Variants in APOL3 observed in about 807,000 individuals in gnomAD.
APOL3 encodes TNF-inducible protein CG12-1.
APOL3 carries 14 observed loss-of-function variants against 11.6 expected under a neutral mutation model. That is an observed-to-expected ratio of 1.21 (90% CI 0.80 to 1.89). The LOEUF is 1.89. APOL3 is among the 40% of genes most tolerant of loss of function. APOL3 has a pLI of 0.00. For synonymous variants in APOL3, 192 were observed against 190.6 expected (o/e 1.01, Z -0.06); for missense variants, 483 against 492.1 (o/e 0.98, Z 0.17).
intron 1 of APOL3, among the ~76,000 whole-genome samples, chr22:36,148,298 C>T (rs1466469348): frequency 6.6e-6 from 1 of 152,154 alleles, no homozygotes; most frequent in Non-Finnish European, 1.5e-5. Flanking sequence ...GCAGGGCAGG[C>T]GCCCTGGGGG....
intron 1 of APOL3, among the ~76,000 whole-genome samples, chr22:36,145,940 C>G (rs1019213978): frequency 2.0e-5 from 3 of 151,924 alleles, no homozygotes; most frequent in African/African-American, 4.8e-5. Flanking sequence ...CCCGCCCTCG[C>G]TGTCTCTCTT....
rs752686550 is a variant in APOL3, at chr22:36,145,607, G to C, written c.224-8C>G. The C allele has an allele frequency of 6.2e-7, 1 of 1,611,732 alleles. No individual in the cohort carries two copies. The highest frequency in any genetic ancestry group is 1.7e-5 in the Admixed American group (1 of 59,344). ...CAGTAAAGCGTTTCTTTTCTACTTG[G>C]AAACAAAAAGCATAAGATTGGAAGA... On this transcript the variant is annotated splice_polypyrimidine_tract_variant and splice_region_variant and intron_variant, in intron 1 of 2. Transcript: ENST00000349314.
chr22:36,149,451 G>T, intron 1 of APOL3: 3 of 1,215,628 alleles, frequency 2.5e-6, no homozygotes, highest in Non-Finnish European at 3.3e-6. Flanking sequence ...TCTATACACC[G>T]AAATAGAGAT....
chr22:36,162,585 C>T (rs2013758463), upstream of APOL3, among the ~76,000 whole-genome samples: 1 of 152,208 alleles, frequency 6.6e-6, no homozygotes, highest in Non-Finnish European at 1.5e-5. Context: ...GCACCTTAAA[C>T]TCTATATAGA....
intron 2 of APOL3, 55 bp from the exon 4 acceptor site, chr22:36,142,113 CA>C: frequency 6.5e-7 from 1 of 1,527,262 alleles, no homozygotes. Flanking sequence ...TCTGTAAAAT[CA>C]GCTCAATAAG....
At chr22:36,142,113 C>A (rs2060019769) in intron 2 of APOL3, 55 bp from the exon 4 acceptor site, 2 of 1,527,260 alleles carry the variant, frequency 1.3e-6, no homozygotes, top group Admixed American at 4.2e-5. Flanking sequence ...TCTGTAAAAT[C>A]AGCTCAATAA....
intron 1 of APOL3, among the ~76,000 whole-genome samples, chr22:36,146,646 G>A (rs947003583): frequency 2.0e-5 from 3 of 151,858 alleles, no homozygotes; most frequent in African/African-American, 7.3e-5. Flanking sequence ...TTCAATCTGT[G>A]TCAATATGAC....
intron 1 of APOL3, chr22:36,159,584 A>G (rs1265154241): frequency 6.6e-6 from 1 of 152,258 alleles, no homozygotes; most frequent in African/African-American, 2.4e-5. Flanking sequence ...CATGTGGCAG[A>G]CACCATTCTG....
upstream of APOL3, chr22:36,161,061 C>T (rs1276546934): frequency 6.4e-6 from 4 of 628,006 alleles, no homozygotes; most frequent in Non-Finnish European, 1.1e-5. Context: ...AGATTACTCC[C>T]CACCCCCAAT....
chr22:36,157,038 T>A (rs1473047255), intron 1 of APOL3: 1 of 456,066 alleles, frequency 2.2e-6, no homozygotes, highest in African/African-American at 2.0e-5. Flanking sequence ...AGACCATGAC[T>A]CTGATTTCAT....
chr22:36,151,938 G>C (rs946883660), intron 1 of APOL3, among the ~76,000 whole-genome samples: 2 of 152,120 alleles, frequency 1.3e-5, no homozygotes, highest in Non-Finnish European at 2.9e-5. Context: ...TAACAGAAAA[G>C]AAAGTTACTT....
chr22:36,147,557 G>C (rs6000154), intron 1 of APOL3, among the ~76,000 whole-genome samples: 10,866 of 152,238 alleles, frequency 0.071, 1,290 homozygotes, highest in African/African-American at 0.25. Context: ...GGACTCAGCA[G>C]AGCCCAGTTT....
intron 1 of APOL3, among the ~76,000 whole-genome samples, chr22:36,157,848 G>A (rs1351758200): frequency 2.6e-5 from 4 of 152,114 alleles, no homozygotes; most frequent in South Asian, 2.1e-4. Flanking sequence ...TCAGGAGTTC[G>A]AGACCAGCCT....
rs147279686 is a variant in APOL3 at position 36,160,732 on chromosome 22, C to T, written c.160G>A (p.Val54Met). 4.3e-6 allele frequency: 7 copies of T among 1,613,886 alleles called. No individual in the cohort carries two copies. Among genetic ancestry groups the T allele is most frequent in the Non-Finnish European group, 5.9e-6 (7 of 1,179,940 alleles). The change falls in exon 1 of 3, where the codon GTG (valine) becomes ATG (methionine). Residue 54 changes from valine to methionine, a missense_variant. Val to Met is a conservative substitution (Grantham distance 21). In the 5' UTR this introduces an upstream ATG that the reference lacks. Coordinates refer to ENST00000349314, the Ensembl canonical transcript of APOL3. The stretch of plus-strand genomic sequence containing the variant: ...GCTGTTCTGAGCTGTGTGGATCCCA[C>T]CTCCAGCCGTGCATCTGCATAATAA...
At position 36,150,744 on chromosome 22, in the gene APOL3, G is replaced by A. The variant is rs552727762; in HGVS notation, c.224-5145C>T. 2.0e-5 allele frequency among the ~76,000 whole-genome samples: 3 copies of A among 152,310 alleles called. No homozygotes were observed. The South Asian group carries it at 6.2e-4, about 32-fold the overall frequency. On this transcript the variant is annotated intron_variant, in intron 1 of 2. Transcript: ENST00000349314. ...ACACACACACACACAAATTAGCTGG[G>A]CGTGGTGGCGTGTGCCTGTAATCCC...
chr22:36,152,541 G>C (rs139909071), intron 1 of APOL3, among the ~76,000 whole-genome samples: 124 of 152,262 alleles, frequency 8.1e-4, no homozygotes, highest in African/African-American at 2.9e-3. Flanking sequence ...AAAGTGAAGA[G>C]TCAAGAAATA....
intron 1 of APOL3, among the ~76,000 whole-genome samples, chr22:36,159,038 G>T (rs2013372924): frequency 6.6e-6 from 1 of 151,988 alleles, no homozygotes; most frequent in Admixed American, 6.6e-5. Flanking sequence ...CCTTTTATTT[G>T]GTTGCCAGCA....
intron 1 of APOL3, 152 bp downstream of exon 2, chr22:36,148,894 G>A: frequency 1.4e-6 from 1 of 697,616 alleles, no homozygotes; most frequent in Middle Eastern, 5.4e-4. Flanking sequence ...TGGGTCGGGG[G>A]ACTCCATGTG....
At chr22:36,152,592 C>T (rs1268381972) in intron 1 of APOL3, among the ~76,000 whole-genome samples, 1 of 152,066 alleles carries the variant, frequency 6.6e-6, no homozygotes, top group Non-Finnish European at 1.5e-5. Flanking sequence ...GTTAAATAAA[C>T]TCACGTTTAG....
Sources: allele counts gnomAD v4.1 joint callset (sites outside exome capture counted in the v4.1 genomes callset), GRCh38; gene constraint gnomAD v4.1.1; transcripts MANE v1.5; gene names NCBI Gene and HGNC (gene_info 2026-07-23, HGNC 2026-07-21).